Variants in PCDH15 observed in about 807,000 individuals in gnomAD.
The protein encoded by PCDH15 is protocadherin-15.
PCDH15 carries 129 observed loss-of-function variants against 178.5 expected under a neutral mutation model. The observed-to-expected ratio is 0.72, with a 90% CI of 0.63 to 0.84. PCDH15 has a LOEUF of 0.84. PCDH15 is among the 40% of genes least tolerant of loss of function. The pLI is 0.00. For missense variants in PCDH15, 2,230 were observed against 2,099.9 expected (o/e 1.06, Z -1.21); for synonymous variants, 800 against 732.0 (o/e 1.09, Z -1.50).
chr10:55,136,484 AG>A, intron 2 of PCDH15, among the ~76,000 whole-genome samples: 1 of 152,104 alleles, frequency 6.6e-6, no homozygotes, highest in South Asian at 2.1e-4. Context: ...TCCTTTCTAA[AG>A]GAAAAAAAAG....
intron 1 of PCDH15, among the ~76,000 whole-genome samples, chr10:54,791,764 C>T (rs557269844): frequency 6.6e-6 from 1 of 151,828 alleles, no homozygotes; most frequent in African/African-American, 2.4e-5. Context: ...ATCAAAACCA[C>T]TTCTGACCAC....
rs1394892614 is a variant in PCDH15, at chr10:53,840,478, A to C, written c.3825T>G (p.Val1275=). The change falls in exon 29 of 38, where the codon GTT becomes GTG. Residue 1275 remains valine (V), a synonymous_variant. Transcript: ENST00000644397. ...EDLTEILDRY[V]QEQIPGAKVV... ...CCTTGGCACCAGGAATTTGTTCCTG[A>C]ACATAGCGATCCAAGATCCTATAAA... 6.2e-7 allele frequency: 1 copy of C among 1,613,976 alleles called. No individual in the cohort carries two copies. The highest frequency in any genetic ancestry group is 1.3e-5 in the African/African-American group (1 of 75,026).
upstream of PCDH15, among the ~76,000 whole-genome samples, chr10:55,323,622 C>T (rs1265793424): frequency 6.6e-6 from 1 of 152,128 alleles, no homozygotes; most frequent in Non-Finnish European, 1.5e-5. Context: ...CCTGTAGTTC[C>T]TTTGTTTAGG....
chr10:55,578,215 AT>A (rs1842533228), intron 2 of PCDH15, among the ~76,000 whole-genome samples: 1 of 151,594 alleles, frequency 6.6e-6, no homozygotes, highest in African/African-American at 2.4e-5. Flanking sequence ...ATCTTATTTT[AT>A]TTTATTTTAT....
chr10:54,161,761 C>T (rs2045736336), intron 13 of PCDH15, among the ~76,000 whole-genome samples: 1 of 152,062 alleles, frequency 6.6e-6, no homozygotes, highest in Non-Finnish European at 1.5e-5. Flanking sequence ...GATTATGATT[C>T]CAGTTTACCA....
At chr10:54,913,746 T>G (rs894412687) in intron 2 of PCDH15, among the ~76,000 whole-genome samples, 1 of 152,172 alleles carries the variant, frequency 6.6e-6, no homozygotes, top group Admixed American at 6.6e-5. Context: ...GCCCAATTCC[T>G]TGGGAGCCCA....
chr10:54,218,880 T>C (rs906250630), intron 9 of PCDH15, among the ~76,000 whole-genome samples: 13 of 152,006 alleles, frequency 8.6e-5, no homozygotes, highest in African/African-American at 3.1e-4. Flanking sequence ...AACTCTATAA[T>C]ATAAACAACT....
chr10:54,962,469 G>T (rs1321125418), intron 2 of PCDH15, among the ~76,000 whole-genome samples: 1 of 152,228 alleles, frequency 6.6e-6, no homozygotes, highest in Non-Finnish European at 1.5e-5. Context: ...CCTTCTGGGA[G>T]CCCAGACCTT....
intron 13 of PCDH15, among the ~76,000 whole-genome samples, chr10:54,174,509 T>C (rs2047224267): frequency 6.6e-6 from 1 of 151,072 alleles, no homozygotes; most frequent in Non-Finnish European, 1.5e-5. Flanking sequence ...CACTCCAACC[T>C]GGGCGACAGA....
intron 2 of PCDH15, among the ~76,000 whole-genome samples, chr10:55,439,470 T>C (rs535628507): frequency 1.6e-4 from 25 of 152,002 alleles, no homozygotes; most frequent in Admixed American, 3.9e-4. Context: ...CCAGAAAATA[T>C]GAGTAGAAAA....
chr10:55,123,114 T>C (rs945699776), intron 2 of PCDH15, among the ~76,000 whole-genome samples: 1 of 152,004 alleles, frequency 6.6e-6, no homozygotes, highest in Non-Finnish European at 1.5e-5. Context: ...TTATAAGATA[T>C]ATTTAATTTT....
intron 2 of PCDH15, among the ~76,000 whole-genome samples, chr10:55,117,370 A>G (rs1837652742): frequency 1.3e-5 from 2 of 152,326 alleles, no homozygotes; most frequent in South Asian, 4.1e-4. Flanking sequence ...GTTTTTAAAC[A>G]GGCAAAAAGC....
intron 20 of PCDH15, among the ~76,000 whole-genome samples, chr10:54,019,088 C>A (rs2092830927): frequency 1.3e-5 from 2 of 152,004 alleles, no homozygotes; most frequent in South Asian, 4.1e-4. Flanking sequence ...TTGCTCTGTG[C>A]AGGTATCTCT....
chr10:53,837,400 G>A (rs868046432), intron 29 of PCDH15, among the ~76,000 whole-genome samples: 6 of 151,972 alleles, frequency 3.9e-5, no homozygotes, highest in African/African-American at 1.5e-4. Context: ...CCGATAAGCT[G>A]GCCAAACAAA....
chr10:54,182,506 AGTGTGTGTGTGT>A (rs71007813), intron 13 of PCDH15, among the ~76,000 whole-genome samples: 5 of 147,974 alleles, frequency 3.4e-5, no homozygotes, highest in African/African-American at 5.0e-5. Flanking sequence ...AGAGAAAAAA[AGTGTGTGTGTGT>A]GTGTGTGTGT....
At chr10:55,093,889 AC>A (rs1842379491) in intron 2 of PCDH15, among the ~76,000 whole-genome samples, 1 of 152,124 alleles carries the variant, frequency 6.6e-6, no homozygotes, top group African/African-American at 2.4e-5. Flanking sequence ...AAGTCAGGAA[AC>A]AACAGGTGCT....
intron 2 of PCDH15, among the ~76,000 whole-genome samples, chr10:55,334,271 T>C (rs958990472): frequency 1.5e-5 from 2 of 133,272 alleles, no homozygotes; most frequent in African/African-American, 3.2e-5. Context: ...TGTGTGTGTG[T>C]GTGTGTGTGT....
intron 9 of PCDH15, among the ~76,000 whole-genome samples, chr10:54,221,484 T>G (rs964075909): frequency 6.6e-6 from 1 of 152,112 alleles, no homozygotes; most frequent in Non-Finnish European, 1.5e-5. Flanking sequence ...TGCCAGAAAT[T>G]TCCTTATGAC....
At chr10:55,507,567 A>T (rs1349074670) in intron 2 of PCDH15, among the ~76,000 whole-genome samples, 3 of 151,466 alleles carry the variant, frequency 2.0e-5, no homozygotes, top group East Asian at 3.9e-4. Context: ...TAATTTTTTT[A>T]AAATTTGAGA....
Sources: gnomAD v4.1 joint callset for allele counts (sites outside exome capture counted in the v4.1 genomes callset) on GRCh38, gnomAD v4.1.1 for gene constraint, MANE v1.5 for transcripts, NCBI Gene and HGNC (gene_info 2026-07-23, HGNC 2026-07-21) for gene names.